GPAT3: variants seen among roughly 807,000 people sequenced by gnomAD.
GPAT3 encodes 1-AGP acyltransferase 9.
A neutral mutation model predicts 58.8 loss-of-function variants in GPAT3; 53 were observed. The ratio of observed to expected loss-of-function variants is 0.90; its 90% confidence interval spans 0.72 to 1.13. GPAT3 has a LOEUF of 1.13. GPAT3 is among the 50% of genes most tolerant of loss of function. The pLI is 0.00. For synonymous variants in GPAT3, 197 were observed against 187.4 expected (o/e 1.05, Z -0.42); for missense variants, 511 against 527.6 (o/e 0.97, Z 0.31).
chr4:83,576,528 C>T (rs537644625), intron 2 of GPAT3, among the ~76,000 whole-genome samples: 14 of 152,086 alleles, frequency 9.2e-5, no homozygotes, highest in African/African-American at 3.4e-4. Flanking sequence ...ATTGTAACCT[C>T]TGCTTCCCCG....
At chr4:83,578,871 T>TCCTTCCCTC (rs1196771971) in intron 2 of GPAT3, among the ~76,000 whole-genome samples, 2 of 151,738 alleles carry the variant, frequency 1.3e-5, no homozygotes, top group East Asian at 1.9e-4. Flanking sequence ...CTTCCTTCCT[T>TCCTTCCCTC]CCTTCCCTCC....
rs10618385 is a variant in GPAT3, at chr4:83,547,246, CTTTTTTTTTTTT to C, written c.208+2657_208+2668del. ...CACTGAAAAACTTCCTTCTACTGCT[CTTTTTTTTTTTT>C]TTTTTTTTTTTTGAGATGGAGTCTT... is the stretch of plus-strand genomic sequence containing the variant. On this transcript the variant is annotated intron_variant, in intron 2 of 11. Coordinates refer to ENST00000264409, the MANE Select transcript of GPAT3 (RefSeq NM_032717.5). Among the ~76,000 whole-genome samples the C allele has an allele frequency of 3.5e-4, 29 of 82,206 alleles. No homozygotes were observed. The South Asian group carries it at 7.2e-3, about 20-fold the overall frequency. The allele number at this position is 82,206 out of a possible 152,430, so 53.9% of individuals were successfully genotyped here.
intron 3 of GPAT3, among the ~76,000 whole-genome samples, chr4:83,585,289 ATTAG>A (rs1726335623): frequency 2.0e-5 from 3 of 150,520 alleles, no homozygotes; most frequent in East Asian, 1.9e-4. Context: ...AATTATATTT[ATTAG>A]TTATAGTAAT....
At chr4:83,575,397 A>G (rs1346958266) in intron 2 of GPAT3, among the ~76,000 whole-genome samples, 1 of 151,888 alleles carries the variant, frequency 6.6e-6, no homozygotes, top group Non-Finnish European at 1.5e-5. Context: ...GCTCCTTTTG[A>G]CACCTAATTT....
At chr4:83,583,667 G>GAAGAAA (rs760151577) in intron 3 of GPAT3, among the ~76,000 whole-genome samples, 10 of 23,474 alleles carry the variant, frequency 4.3e-4, no homozygotes, top group Admixed American at 1.9e-3. Context: ...ACTCTTGTCT[G>GAAGAAA]AAAAAAAAAA....
At chr4:83,578,916 T>TCTTTTCTTTCTTTC (rs1725921657) in intron 2 of GPAT3, among the ~76,000 whole-genome samples, 1 of 74,340 alleles carries the variant, frequency 1.3e-5, no homozygotes, top group Admixed American at 1.5e-4. Flanking sequence ...CTTTTTTCTT[T>TCTTTTCTTTCTTTC]TTTCTTTTCT....
chr4:83,561,294 A>C (rs781603587), intron 2 of GPAT3, among the ~76,000 whole-genome samples: 1 of 152,218 alleles, frequency 6.6e-6, no homozygotes, highest in African/African-American at 2.4e-5. Flanking sequence ...TGCCAGAAAG[A>C]GATTACAGGC....
At chr4:83,579,993 A>G (rs1276052818) in intron 2 of GPAT3, among the ~76,000 whole-genome samples, 2 of 152,234 alleles carry the variant, frequency 1.3e-5, no homozygotes, top group Admixed American at 1.3e-4. Flanking sequence ...CATCTTAATT[A>G]CTATCTCAAA....
At chr4:83,587,817 TATTA>T (rs974332994) in intron 4 of GPAT3, among the ~76,000 whole-genome samples, 8 of 152,178 alleles carry the variant, frequency 5.3e-5, no homozygotes, top group African/African-American at 1.9e-4. Flanking sequence ...CATACTTCCA[TATTA>T]ATTGAAAGAA....
At chr4:83,603,528 C>T (rs528722833) in intron 11 of GPAT3, among the ~76,000 whole-genome samples, 1 of 152,170 alleles carries the variant, frequency 6.6e-6, no homozygotes, top group African/African-American at 2.4e-5. Context: ...CGGTGGCTCA[C>T]GCCTGTAATC....
intron 2 of GPAT3, among the ~76,000 whole-genome samples, chr4:83,562,214 T>TATATA (rs1553944916): frequency 2.3e-4 from 18 of 77,124 alleles, no homozygotes; most frequent in Non-Finnish European, 2.8e-4. Context: ...ATATATATTA[T>TATATA]ATATATATAT....
At chr4:83,586,553 A>C (rs1726381783) in intron 3 of GPAT3, among the ~76,000 whole-genome samples, 1 of 152,252 alleles carries the variant, frequency 6.6e-6, no homozygotes, top group Admixed American at 6.5e-5. Flanking sequence ...GAATCTTATT[A>C]GTAAAATGTG....
intron 3 of GPAT3, 71 bp downstream of exon 3, chr4:83,581,903 C>T: frequency 6.5e-7 from 1 of 1,533,976 alleles, no homozygotes; most frequent in Non-Finnish European, 8.8e-7. Flanking sequence ...TACATAATGG[C>T]CACGTAAGTG....
At chr4:83,549,469 A>G (rs11946556) in intron 2 of GPAT3, among the ~76,000 whole-genome samples, 6,590 of 64,298 alleles carry the variant, frequency 0.1, 424 homozygotes, top group African/African-American at 0.27. Flanking sequence ...GTGTGTGTGT[A>G]TGTATATATA....
chr4:83,566,560 C>T (rs1227730626), intron 2 of GPAT3, among the ~76,000 whole-genome samples: 1 of 151,428 alleles, frequency 6.6e-6, no homozygotes, highest in African/African-American at 2.4e-5. Context: ...GTGTGAGCCA[C>T]TACGCCCGGC....
At chr4:83,581,258 G>A (rs538178157) in intron 2 of GPAT3, among the ~76,000 whole-genome samples, 1 of 152,052 alleles carries the variant, frequency 6.6e-6, no homozygotes, top group African/African-American at 2.4e-5. Context: ...GTGTGTGTGT[G>A]TGTGTGAGTT....
intron 1 of GPAT3, 100 bp from the exon 2 acceptor site, chr4:83,544,436 A>T: frequency 8.3e-7 from 1 of 1,199,072 alleles, no homozygotes; most frequent in Non-Finnish European, 1.2e-6. Context: ...AGACACTGCC[A>T]GAGCTTGATG....
At chr4:83,546,290 A>G (rs998221232) in intron 2 of GPAT3, among the ~76,000 whole-genome samples, 4 of 151,570 alleles carry the variant, frequency 2.6e-5, no homozygotes, top group Non-Finnish European at 5.9e-5. Flanking sequence ...CGGCCCAGCC[A>G]TGAGTTTTAA....
intron 4 of GPAT3, among the ~76,000 whole-genome samples, chr4:83,587,779 A>G (rs1407589560): frequency 1.3e-5 from 2 of 152,168 alleles, no homozygotes; most frequent in African/African-American, 4.8e-5. Flanking sequence ...TGCTCACTTC[A>G]TCTTCATAGT....
Sources: allele counts gnomAD v4.1 joint callset (sites outside exome capture counted in the v4.1 genomes callset), GRCh38; gene constraint gnomAD v4.1.1; transcripts MANE v1.5; gene names NCBI Gene and HGNC (gene_info 2026-07-23, HGNC 2026-07-21).